The following INTS4 variants were observed in gnomAD, a reference collection of about 807,000 sequenced individuals.
INTS4 encodes the protein integrator complex subunit 4.
INTS4 carries 70 observed loss-of-function variants against 119.5 expected under a neutral mutation model. The observed-to-expected ratio is 0.59, with a 90% CI of 0.48 to 0.71. INTS4 has a LOEUF of 0.71. Ranked by LOEUF, INTS4 falls within the 30% of genes least tolerant of loss-of-function variation. The probability of loss-of-function intolerance (pLI) is 0.00; values close to 1 mark genes in which losing one functional copy is unlikely to be tolerated. For synonymous variants in INTS4, 316 were observed against 419.6 expected (o/e 0.75, Z 3.02); for missense variants, 867 against 1,173.2 (o/e 0.74, Z 3.81).
At chr11:77,988,026 A>G (rs1232743517) in intron 2 of INTS4, among the ~76,000 whole-genome samples, 2 of 152,180 alleles carry the variant, frequency 1.3e-5, no homozygotes, top group African/African-American at 4.8e-5. Context: ...CTCATAACCC[A>G]GTCTCTAGAT....
intron 12 of INTS4, 88 bp downstream of exon 12, chr11:77,924,662 C>T (rs17825319): frequency 7.7e-7 from 1 of 1,292,670 alleles, no homozygotes; most frequent in Admixed American, 1.9e-5. Context: ...CCGTACTATC[C>T]TCAATCTATA....
intron 10 of INTS4, among the ~76,000 whole-genome samples, chr11:77,933,921 T>G (rs1013574562): frequency 5.3e-5 from 8 of 152,056 alleles, no homozygotes; most frequent in Admixed American, 2.0e-4. Flanking sequence ...GAGCGGGCCA[T>G]GATGACAATG....
intron 2 of INTS4, among the ~76,000 whole-genome samples, chr11:77,990,876 T>C (rs1479553873): frequency 6.6e-6 from 1 of 152,156 alleles, no homozygotes; most frequent in African/African-American, 2.4e-5. Context: ...ACTTCAGCAG[T>C]ATGATGCACC....
chr11:77,947,870 G>A (rs1181534138), intron 8 of INTS4, among the ~76,000 whole-genome samples: 5 of 152,110 alleles, frequency 3.3e-5, no homozygotes, highest in Non-Finnish European at 7.3e-5. Flanking sequence ...CCTTGAGACA[G>A]TCTTACTCTG....
At chr11:77,906,843 G>A (rs1360111830) in intron 16 of INTS4, among the ~76,000 whole-genome samples, 1 of 152,154 alleles carries the variant, frequency 6.6e-6, no homozygotes, top group East Asian at 1.9e-4. Context: ...CAAGATAAAA[G>A]TTCGTCAAGT....
At position 77,991,110 on chromosome 11, in the gene INTS4, T is replaced by C; in HGVS notation, c.244A>G (p.Lys82Glu). The part of the protein sequence containing the change: ...VVRILLEHYY[K>E]ENDPSVRLKI... ...TCAGATCCTCAAGATTTTCTTACCT[T>C]GTAATAATGTTCCAAGAGAATCCTG... Residue 82 changes from lysine (K) to glutamate (E), a missense_variant and splice_region_variant, in exon 2 of 23, where the codon AAG (lysine) becomes GAG (glutamate). Physicochemically the swap from Lys to Glu is moderately conservative, Grantham distance 56 (BLOSUM62 1). Transcript: ENST00000534064. 1 of 1,613,070 alleles carries C rather than the reference T, an allele frequency of 6.2e-7. No individual in the cohort carries two copies.
intron 15 of INTS4, chr11:77,918,334 G>A (rs1357546006): frequency 2.1e-6 from 1 of 471,530 alleles, no homozygotes; most frequent in East Asian, 4.2e-5. Flanking sequence ...CTACTTGGGA[G>A]GCTGAAGTGG....
At chr11:77,917,426 G>A (rs1412069898) in intron 15 of INTS4, among the ~76,000 whole-genome samples, 1 of 150,824 alleles carries the variant, frequency 6.6e-6, no homozygotes, top group Non-Finnish European at 1.5e-5. Flanking sequence ...CGATCCTTGT[G>A]CCTCAATCTC....
At chr11:77,990,629 C>T (rs111960885) in intron 2 of INTS4, among the ~76,000 whole-genome samples, 20,137 of 145,474 alleles carry the variant, frequency 0.14, 1,529 homozygotes, top group East Asian at 0.25. Context: ...GAGGTTGCAG[C>T]GAGCCAAGAT....
At position 77,960,878 on chromosome 11, in the gene INTS4, C is replaced by T. The variant is rs369608731; in HGVS notation, c.657+75G>A. On this transcript the variant is annotated intron_variant, in intron 5 of 22. Coordinates refer to ENST00000534064, the MANE Select transcript of INTS4 (RefSeq NM_033547.4). ...TATGCTGAAGAATTTACAATGTATC[C>T]AAGGCAGCACTAGCTATAAACTTAA... 3.0e-6 allele frequency: 4 copies of T among 1,315,296 alleles called. No homozygotes were observed. The South Asian group carries it at 5.8e-5, about 19-fold the overall frequency. 81.5% of individuals were successfully genotyped at this position (1,315,296 alleles called of 1,614,324 possible).
chr11:77,900,473 A>G, intron 18 of INTS4: 1 of 563,498 alleles, frequency 1.8e-6, no homozygotes, highest in Non-Finnish European at 3.1e-6. Context: ...AAGAAATAAA[A>G]TATTTTATTT....
intron 18 of INTS4, among the ~76,000 whole-genome samples, chr11:77,898,903 C>T (rs1281613164): frequency 6.6e-6 from 1 of 152,058 alleles, no homozygotes; most frequent in Non-Finnish European, 1.5e-5. Flanking sequence ...GCCTGTAGTC[C>T]CAGCTACTTG....
intron 10 of INTS4, 145 bp from the exon 11 acceptor site, chr11:77,928,692 T>C: frequency 7.5e-7 from 1 of 1,337,736 alleles, no homozygotes. Context: ...ACCAAAAATA[T>C]TAAAAAATTA....
intron 3 of INTS4, 44 bp from the exon 4 acceptor site, chr11:77,979,146 G>T: frequency 9.0e-7 from 1 of 1,112,588 alleles, no homozygotes; most frequent in South Asian, 1.2e-5. Context: ...TTTCGAAAGG[G>T]GTAACTATAT....
intron 2 of INTS4, among the ~76,000 whole-genome samples, chr11:77,990,402 T>C (rs1255155586): frequency 6.6e-6 from 1 of 151,866 alleles, no homozygotes; most frequent in African/African-American, 2.4e-5. Flanking sequence ...AACAGTTTTT[T>C]TGGCCAGACG....
At chr11:77,987,642 G>C (rs1403207901) in intron 2 of INTS4, 1 of 451,110 alleles carries the variant, frequency 2.2e-6, no homozygotes. Flanking sequence ...CAAGCAGGAG[G>C]GTTGCTTGAG....
intron 8 of INTS4, among the ~76,000 whole-genome samples, chr11:77,942,794 A>T (rs985870181): frequency 6.6e-6 from 1 of 152,212 alleles, no homozygotes; most frequent in African/African-American, 2.4e-5. Context: ...AAGTTAATAA[A>T]TGTGGAAATG....
chr11:77,973,996 G>T (rs545888590), intron 4 of INTS4, among the ~76,000 whole-genome samples: 5 of 152,234 alleles, frequency 3.3e-5, no homozygotes, highest in South Asian at 4.1e-4. Context: ...AGTTTGTAAA[G>T]AATTTGCATT....
At chr11:77,889,356 T>G (rs1477031321) in intron 21 of INTS4, among the ~76,000 whole-genome samples, 1 of 122,610 alleles carries the variant, frequency 8.2e-6, no homozygotes, top group Non-Finnish European at 1.6e-5. Context: ...TGAGAACACA[T>G]GGACACAGGA....
Sources: gnomAD v4.1 joint callset for allele counts (sites outside exome capture counted in the v4.1 genomes callset) on GRCh38, gnomAD v4.1.1 for gene constraint, MANE v1.5 for transcripts, NCBI Gene and HGNC (gene_info 2026-07-23, HGNC 2026-07-21) for gene names.